KCNQ1: variants seen among roughly 807,000 people sequenced by gnomAD.
KCNQ1 encodes potassium voltage-gated channel subfamily Q member 1, also known as potassium voltage-gated channel subfamily KQT member 1.
KCNQ1 carries 49 observed loss-of-function variants against 72.4 expected under a neutral mutation model. That is an observed-to-expected ratio of 0.68 (90% CI 0.54 to 0.86). The LOEUF (loss-of-function observed/expected upper bound fraction) is 0.86. Ranked by LOEUF, KCNQ1 falls within the 40% of genes least tolerant of loss-of-function variation. The pLI is 0.00. For missense variants in KCNQ1, 790 were observed against 945.1 expected (o/e 0.84, Z 2.15); for synonymous variants, 450 against 412.6 (o/e 1.09, Z -1.10).
chr11:2,517,076 C>T (rs1161934793), intron 1 of KCNQ1, among the ~76,000 whole-genome samples: 2 of 152,230 alleles, frequency 1.3e-5, no homozygotes, highest in African/African-American at 4.8e-5. Context: ...AGGCTCCACG[C>T]TCCGCACTGA....
chr11:2,722,330 T>G (rs1845683207), intron 11 of KCNQ1, among the ~76,000 whole-genome samples: 1 of 152,106 alleles, frequency 6.6e-6, no homozygotes, highest in African/African-American at 2.4e-5. Flanking sequence ...TGCCTCTCTG[T>G]GGCAGTGACA....
intron 10 of KCNQ1, chr11:2,640,238 C>G: frequency 2.5e-6 from 1 of 396,450 alleles, no homozygotes; most frequent in Admixed American, 4.4e-5. Flanking sequence ...TTGACGAGCC[C>G]CAGTGAGATG....
rs1265673546 is a variant in KCNQ1, at chr11:2,830,037, G to A, written c.1795-17730G>A. 6.7e-6 allele frequency among the ~76,000 whole-genome samples: 1 copy of A among 148,948 alleles called. No individual in the cohort carries two copies. The highest frequency in any genetic ancestry group is 2.0e-4 in the East Asian group (1 of 5,026). On this transcript the variant is annotated intron_variant, in intron 15 of 15. Coordinates refer to ENST00000155840, the MANE Select transcript of KCNQ1 (RefSeq NM_000218.3). The surrounding 1 kb of genome is among the most constrained non-coding windows in gnomAD (Gnocchi z 7.7). ...GGAGGAAGGAGGAGGAAGGAGGAGG[G>A]AGGAGGAAGGAGGAGGGAGGAGGGA...
At chr11:2,637,912 A>C (rs1849501965) in intron 10 of KCNQ1, 1 of 152,200 alleles carries the variant, frequency 6.6e-6, no homozygotes, top group Non-Finnish European at 1.5e-5. Flanking sequence ...CTTCTTGTTG[A>C]ATTGATCCCT....
Position 2,491,651 on chromosome 11 carries a change from G to T in KCNQ1, c.387-36277G>T, listed in dbSNP as rs1846837649. Among the ~76,000 whole-genome samples, 1 of 152,082 alleles carries T rather than the reference G, an allele frequency of 6.6e-6. No individual in the cohort carries two copies. Among genetic ancestry groups the T allele is most frequent in the Non-Finnish European group, 1.5e-5 (1 of 68,030 alleles). ...GTAGAGAAAGAGATAGGGGTAGAAAGCTTATTCAAAGGGATACTAACATAG... is the reference window on the plus strand; with the variant it reads ...GTAGAGAAAGAGATAGGGGTAGAAATCTTATTCAAAGGGATACTAACATAG... On this transcript the variant is annotated intron_variant, in intron 1 of 15. Coordinates refer to ENST00000155840, the MANE Select transcript of KCNQ1 (RefSeq NM_000218.3). The surrounding 1 kb of genome is among the most constrained non-coding windows in gnomAD (Gnocchi z 4.1).
chr11:2,831,296 G>A (rs1383509942), intron 15 of KCNQ1, among the ~76,000 whole-genome samples: 1 of 152,198 alleles, frequency 6.6e-6, no homozygotes, highest in Non-Finnish European at 1.5e-5. Context: ...ATGAGAAGAA[G>A]TATGTGGCCC....
At position 2,781,268 on chromosome 11, in the gene KCNQ1, G is replaced by A. The variant is rs550411457; in HGVS notation, c.1794+3231G>A. 6.6e-6 allele frequency among the ~76,000 whole-genome samples: 1 copy of A among 152,316 alleles called. No individual in the cohort carries two copies. The highest frequency in any genetic ancestry group is 2.4e-5 in the African/African-American group (1 of 41,572). ...GGAAACCGAGGCTCAGAGAGGCTGA[G>A]TGGTCGCCTGAGGTCACACAGCTAG... is the stretch of plus-strand genomic sequence containing the variant. On this transcript the variant is annotated intron_variant, in intron 15 of 15. Transcript: ENST00000155840. This position sits in a 1 kb window ranked among gnomAD's most constrained non-coding sequence, Gnocchi z 6.6.
Position 2,747,466 on chromosome 11 carries a change from G to A in KCNQ1, c.1515-21378G>A, listed in dbSNP as rs532539886. ...TGCAGCCTTGCACCCTGGGGCAGCC[G>A]GTGCTTGGTCCCTGCTGGCCTGGGC... On this transcript the variant is annotated intron_variant, in intron 11 of 15. Transcript: ENST00000155840. Among the ~76,000 whole-genome samples the A allele has an allele frequency of 1.8e-4, 27 of 152,310 alleles. 1 individual carries two copies. In the South Asian group the frequency reaches 3.7e-3, roughly 21 times the overall value.
chr11:2,688,682 C>T, intron 11 of KCNQ1: 1 of 399,000 alleles, frequency 2.5e-6, no homozygotes, highest in East Asian at 3.6e-5. Flanking sequence ...TTCCACACAC[C>T]ACGTGCCTAG....
At chr11:2,737,761 G>T (rs947035301) in intron 11 of KCNQ1, among the ~76,000 whole-genome samples, 1 of 152,162 alleles carries the variant, frequency 6.6e-6, no homozygotes, top group Admixed American at 6.5e-5. Context: ...TGTCCACCTC[G>T]CTGCCAGGGA....
Position 2,654,742 on chromosome 11 carries a change from G to A in KCNQ1, c.1394-7219G>A, listed in dbSNP as rs888157267. On this transcript the variant is annotated intron_variant, in intron 10 of 15. Transcript: ENST00000155840. The surrounding 1 kb of genome is among the most constrained non-coding windows in gnomAD (Gnocchi z 6.4). ...GCTGACCTAATCTGGGCAGGGAGGG[G>A]TCTGGGGCTCGATGAGAAGGCAGAG... The A allele has an allele frequency of 1.0e-5, 4 of 398,772 alleles. No individual in the cohort carries two copies. Among genetic ancestry groups the A allele is most frequent in the Middle Eastern group, 6.3e-4 (1 of 1,588 alleles). 24.7% of individuals were successfully genotyped at this position (398,772 alleles called of 1,614,324 possible).
At chr11:2,837,824 C>T (rs1243868943) in intron 15 of KCNQ1, among the ~76,000 whole-genome samples, 3 of 152,216 alleles carry the variant, frequency 2.0e-5, no homozygotes, top group East Asian at 1.9e-4. Flanking sequence ...GCGAGAAGGG[C>T]GGCGCCCAGG....
intron 10 of KCNQ1, chr11:2,640,428 G>A: frequency 2.5e-6 from 1 of 398,616 alleles, no homozygotes. Flanking sequence ...TGGGACTACA[G>A]GCATGCACCA....
chr11:2,770,334 G>T (rs1846571327), intron 12 of KCNQ1, among the ~76,000 whole-genome samples: 1 of 152,222 alleles, frequency 6.6e-6, no homozygotes, highest in Admixed American at 6.5e-5. Flanking sequence ...GAGCCTAAGG[G>T]TTTGGCATAA....
chr11:2,601,592 C>T lies in KCNQ1; in HGVS notation c.1393+12738C>T, dbSNP rs1488819695. ...TTTCTCCCATCCCATCCCTCCAATCCCTGGTGACCACTCATCTGTTCTCTG... is the reference window on the plus strand; with the variant it reads ...TTTCTCCCATCCCATCCCTCCAATCTCTGGTGACCACTCATCTGTTCTCTG... On this transcript the variant is annotated intron_variant, in intron 10 of 15. Coordinates refer to ENST00000155840, the MANE Select transcript of KCNQ1 (RefSeq NM_000218.3). The surrounding 1 kb of genome is among the most constrained non-coding windows in gnomAD (Gnocchi z 5.2). Among the ~76,000 whole-genome samples, 1 of 152,146 alleles carries T rather than the reference C, an allele frequency of 6.6e-6. No homozygotes were observed. Among genetic ancestry groups the T allele is most frequent in the Non-Finnish European group, 1.5e-5 (1 of 68,030 alleles).
At position 2,475,965 on chromosome 11, in the gene KCNQ1, G is replaced by A. The variant is rs1227933341; in HGVS notation, c.386+30481G>A. Among the ~76,000 whole-genome samples, 1 of 152,148 alleles carries A rather than the reference G, an allele frequency of 6.6e-6. No individual in the cohort carries two copies. Among genetic ancestry groups the A allele is most frequent in the African/African-American group, 2.4e-5 (1 of 41,422 alleles). ...CTTTTGTACATTTGCTCAGTCTTGG[G>A]TATGTCTTTATCAGCAGTGTGAAAA... is the stretch of plus-strand genomic sequence containing the variant. On this transcript the variant is annotated intron_variant, in intron 1 of 15. Transcript: ENST00000155840. This position sits in a 1 kb window ranked among gnomAD's most constrained non-coding sequence, Gnocchi z 5.8.
Position 2,685,563 on chromosome 11 carries a change from T to G in KCNQ1, c.1514+23482T>G, listed in dbSNP as rs564148414. 14 of 398,702 alleles carry G rather than the reference T, an allele frequency of 3.5e-5. No homozygotes were observed. The South Asian group carries it at 1.8e-3, about 51-fold the overall frequency. The allele number at this position is 398,702 out of a possible 1,614,324, so 24.7% of individuals were successfully genotyped here. Reference sequence around the variant, plus strand: ...GAGGATCTGCAGATGACTACAGCTCTTGGCCCTTCCATACAGCACATGACA... The same window carrying G: ...GAGGATCTGCAGATGACTACAGCTCGTGGCCCTTCCATACAGCACATGACA... On this transcript the variant is annotated intron_variant, in intron 11 of 15. Transcript: ENST00000155840.
In KCNQ1 at chr11:2,479,853, A is replaced by G. The variant is rs1846626513; in HGVS notation, c.386+34369A>G. ...TATCTCTGTTTCCCTTTCAAAACTG[A>G]ATGCTTTTAACAACACCCAAGTCAC... On this transcript the variant is annotated intron_variant, in intron 1 of 15. Transcript: ENST00000155840. The surrounding 1 kb of genome is among the most constrained non-coding windows in gnomAD (Gnocchi z 4.6). Among the ~76,000 whole-genome samples, 1 of 152,274 alleles carries G rather than the reference A, an allele frequency of 6.6e-6. No individual in the cohort carries two copies. Among genetic ancestry groups the G allele is most frequent in the South Asian group, 2.1e-4 (1 of 4,826 alleles).
At position 2,677,026 on chromosome 11, in the gene KCNQ1, C is replaced by T. The variant is rs1172956962; in HGVS notation, c.1514+14945C>T. 2.5e-6 allele frequency: 1 copy of T among 398,512 alleles called. No individual in the cohort carries two copies. 24.7% of individuals were successfully genotyped at this position (398,512 alleles called of 1,614,324 possible). On this transcript the variant is annotated intron_variant, in intron 11 of 15. Transcript: ENST00000155840. This position sits in a 1 kb window ranked among gnomAD's most constrained non-coding sequence, Gnocchi z 4.5. ...TGCCATGATTTATGGAACAGATCCT[C>T]TGTTGATGGATATGTAGGGCAGCTA...
Sources: gnomAD v4.1 joint callset for allele counts (sites outside exome capture counted in the v4.1 genomes callset) on GRCh38, gnomAD v4.1.1 for gene constraint, Gnocchi (gnomAD v3.1) non-coding constraint, MANE v1.5 for transcripts, NCBI Gene and HGNC (gene_info 2026-07-23, HGNC 2026-07-21) for gene names.